EPS8L2: variants seen among roughly 807,000 people sequenced by gnomAD.
EPS8L2 encodes EPS8 signaling adaptor L2, also known as epidermal growth factor receptor kinase substrate 8-like protein 2.
EPS8L2 carries 81 observed loss-of-function variants against 99.4 expected under a neutral mutation model. That is an observed-to-expected ratio of 0.82 (90% CI 0.68 to 0.98). The LOEUF (loss-of-function observed/expected upper bound fraction) is 0.98, where lower values mean the gene tolerates loss of function less well. EPS8L2 is among the 50% of genes least tolerant of loss of function. The probability of loss-of-function intolerance (pLI) is 0.00; values close to 1 mark genes in which losing one functional copy is unlikely to be tolerated. For synonymous variants in EPS8L2, 509 were observed against 407.3 expected (o/e 1.25, Z -3.01); for missense variants, 1,155 against 968.8 (o/e 1.19, Z -2.55).
chr11:714,966 G>A (rs1861978343), intron 4 of EPS8L2, among the ~76,000 whole-genome samples: 1 of 152,102 alleles, frequency 6.6e-6, no homozygotes, highest in Admixed American at 6.6e-5. Context: ...TTGTGGGCCG[G>A]GCGCGGTGGC....
chr11:711,592 C>T (rs557297759), intron 4 of EPS8L2, among the ~76,000 whole-genome samples: 61 of 152,232 alleles, frequency 4.0e-4, no homozygotes, highest in African/African-American at 1.3e-3. Flanking sequence ...AAGCAATCCT[C>T]CCCCCTCCTA....
In EPS8L2 at chr11:721,111, C is replaced by T. The variant is rs1323953516; in HGVS notation, c.605C>T (p.Pro202Leu). 2.0e-6 allele frequency: 3 copies of T among 1,533,764 alleles called. No individual in the cohort carries two copies. The East Asian group carries it at 7.3e-5, about 37-fold the overall frequency. Residue 202 changes from proline to leucine, a missense_variant, in exon 8 of 21, where the codon CCC becomes CTC. By Grantham distance (98) the Pro-to-Leu change is moderately conservative. Transcript: ENST00000318562. ...CAGCGGCAGTCCATCCTGCCTCCTC[C>T]CCAGGGCCCGGCGCCCATCCCCTTC... ...IRQRQSILPP[P>L]QGPAPIPFQH...
chr11:725,624 C>G, intron 16 of EPS8L2, 104 bp from the exon 17 acceptor site: 2 of 1,124,458 alleles, frequency 1.8e-6, no homozygotes, highest in Non-Finnish European at 2.3e-6. Flanking sequence ...AGCGGGGCTC[C>G]GGGAGACCCT....
At position 724,724 on chromosome 11, in the gene EPS8L2, G is replaced by A; in HGVS notation, c.1455G>A (p.Arg485=). The change falls in exon 16 of 21, where the codon AGG becomes AGA. Residue 485 remains arginine (R), a splice_region_variant and synonymous_variant. Coordinates refer to ENST00000318562, the MANE Select transcript of EPS8L2 (RefSeq NM_022772.4). The surrounding 1 kb of genome is among the most constrained non-coding windows in gnomAD (Gnocchi z 5.5). ...LPPVSSPHTH[R]GYQPTPAMAK... is the part of the protein sequence containing the mutation. Reference sequence around the variant, plus strand: ...CCTCAGCCCCTCCTGTTCCTCACAGGGGCTACCAGCCAACACCAGCCATGG... The same window carrying A: ...CCTCAGCCCCTCCTGTTCCTCACAGAGGCTACCAGCCAACACCAGCCATGG... 6.2e-7 allele frequency: 1 copy of A among 1,612,126 alleles called. No individual in the cohort carries two copies. The highest frequency in any genetic ancestry group is 8.5e-7 in the Non-Finnish European group (1 of 1,178,998).
At chr11:715,508 C>G (rs1861997990) in intron 4 of EPS8L2, among the ~76,000 whole-genome samples, 1 of 151,638 alleles carries the variant, frequency 6.6e-6, no homozygotes. Flanking sequence ...ACTTTGGGCT[C>G]TGTTGATTTG....
intron 5 of EPS8L2, 97 bp from the exon 6 acceptor site, chr11:720,500 A>G (rs1292194935): frequency 6.6e-7 from 1 of 1,526,162 alleles, no homozygotes. Context: ...GCGGCGCCAG[A>G]GGGGCCTGTG....
At chr11:719,400 C>G (rs11600185) in intron 4 of EPS8L2, among the ~76,000 whole-genome samples, 1 of 152,194 alleles carries the variant, frequency 6.6e-6, no homozygotes, top group African/African-American at 2.4e-5. Flanking sequence ...TTAGTGAACA[C>G]GGCAGCTTGG....
Position 722,072 on chromosome 11 carries a change from C to A in EPS8L2, c.985-19C>A, listed in dbSNP as rs1176007603. ...GCCCCGCCCCGCCCCGGCACCTGCTCACTTGTTCCCACCCCCAGGCAAAGC... is the reference window on the plus strand; with the variant it reads ...GCCCCGCCCCGCCCCGGCACCTGCTAACTTGTTCCCACCCCCAGGCAAAGC... On this transcript the variant is annotated intron_variant, in intron 11 of 20. Transcript: ENST00000318562. 2 of 1,612,692 alleles carry A rather than the reference C, an allele frequency of 1.2e-6. No homozygotes were observed. Among genetic ancestry groups the A allele is most frequent in the Admixed American group, 1.7e-5 (1 of 59,992 alleles).
At chr11:725,034 G>A (rs922988560) in intron 16 of EPS8L2, among the ~76,000 whole-genome samples, 4 of 152,222 alleles carry the variant, frequency 2.6e-5, no homozygotes, top group Non-Finnish European at 5.9e-5. Flanking sequence ...CCATCTTGGG[G>A]CTCCCCAAAG....
intron 4 of EPS8L2, among the ~76,000 whole-genome samples, chr11:719,837 G>A (rs1231562552): frequency 6.6e-6 from 1 of 152,114 alleles, no homozygotes; most frequent in East Asian, 1.9e-4. Flanking sequence ...CCGGGCAGCA[G>A]TTGGAATTCC....
At chr11:720,796 CGCCCT>C in intron 6 of EPS8L2, 29 bp from the exon 7 acceptor site, 1 of 1,543,394 alleles carries the variant, frequency 6.5e-7, no homozygotes, top group Middle Eastern at 2.0e-4. Flanking sequence ...CGCCGCGCCC[CGCCCT>C]CCTGGCCGCC....
At chr11:719,619 C>T (rs191164510) in intron 4 of EPS8L2, among the ~76,000 whole-genome samples, 370 of 152,360 alleles carry the variant, frequency 2.4e-3, no homozygotes, top group African/African-American at 8.3e-3. Context: ...GCACGCTGGA[C>T]GCACAGCACA....
intron 4 of EPS8L2, 104 bp downstream of exon 4, chr11:710,590 A>G (rs1052285784): frequency 1.7e-6 from 2 of 1,153,080 alleles, no homozygotes; most frequent in Non-Finnish European, 2.6e-6. Flanking sequence ...TTAGACGGGC[A>G]TGGTGGTGCC....
chr11:707,131 T>G (rs900763841), intron 1 of EPS8L2, among the ~76,000 whole-genome samples: 2 of 150,842 alleles, frequency 1.3e-5, no homozygotes, highest in Non-Finnish European at 3.0e-5. Flanking sequence ...CGGCCCCTCC[T>G]CCCCTCGCGG....
chr11:726,506 G>C (rs112974621), intron 19 of EPS8L2, 22 bp downstream of exon 19: 1 of 1,533,910 alleles, frequency 6.5e-7, no homozygotes, highest in Non-Finnish European at 8.8e-7. Flanking sequence ...CGGGGGATGA[G>C]CTGGGGCCCG....
At chr11:725,140 T>C (rs1862280107) in intron 16 of EPS8L2, among the ~76,000 whole-genome samples, 1 of 152,136 alleles carries the variant, frequency 6.6e-6, no homozygotes, top group South Asian at 2.1e-4. Flanking sequence ...AGCCCCCACA[T>C]CTGCACTGGC....
At chr11:710,277 C>A in intron 3 of EPS8L2, 145 bp from the exon 4 acceptor site, 1 of 730,898 alleles carries the variant, frequency 1.4e-6, no homozygotes, top group Non-Finnish European at 2.4e-6. Context: ...CCTGATTTCA[C>A]ACCCACATCC....
rs1590059322 is a variant in EPS8L2, at chr11:727,542, A to T, written c.*561A>T. On this transcript the variant is annotated 3_prime_UTR_variant, in exon 21 of 21. Coordinates refer to ENST00000318562, the MANE Select transcript of EPS8L2 (RefSeq NM_022772.4). The stretch of plus-strand genomic sequence containing the variant: ...AGGGGACACCGTGCCGGCTTCAGAC[A>T]CTCCCAGCGCCCACTCTTACAGGCC... 1 of 152,750 alleles carries T rather than the reference A, an allele frequency of 6.5e-6. No individual in the cohort carries two copies. Among genetic ancestry groups the T allele is most frequent in the Non-Finnish European group, 1.5e-5 (1 of 68,422 alleles). The allele number at this position is 152,750 out of a possible 1,614,324, so 9.5% of individuals were successfully genotyped here.
chr11:715,033 G>C (rs1861982874), intron 4 of EPS8L2, among the ~76,000 whole-genome samples: 1 of 152,104 alleles, frequency 6.6e-6, no homozygotes, highest in African/African-American at 2.4e-5. Flanking sequence ...ACAAGGTCAG[G>C]AGATCAAGAC....
Sources: allele counts gnomAD v4.1 joint callset (sites outside exome capture counted in the v4.1 genomes callset), GRCh38; gene constraint gnomAD v4.1.1; non-coding constraint Gnocchi (gnomAD v3.1); transcripts MANE v1.5; gene names NCBI Gene and HGNC (gene_info 2026-07-23, HGNC 2026-07-21).